SLC4A4: variants seen among roughly 807,000 people sequenced by gnomAD.
SLC4A4 encodes the protein solute carrier family 4 member 4, also known as electrogenic sodium bicarbonate cotransporter 1.
Under a neutral mutation model 111.5 loss-of-function variants are expected in SLC4A4, and 27 were observed. The observed-to-expected ratio is 0.24, with a 90% CI of 0.18 to 0.33. The LOEUF (loss-of-function observed/expected upper bound fraction) is 0.33. SLC4A4 is among the 10% of genes least tolerant of loss of function. The pLI, the probability that SLC4A4 is intolerant of heterozygous loss-of-function variation, is 1.00. For missense variants in SLC4A4, 909 were observed against 1,315.5 expected, an observed-to-expected ratio of 0.69 and a Z score of 4.78; for synonymous variants, 443 against 463.4, an observed-to-expected ratio of 0.96 and a Z score of 0.57.
At chr4:71,317,991 C>T (rs1209023802) in intron 3 of SLC4A4, among the ~76,000 whole-genome samples, 3 of 151,896 alleles carry the variant, frequency 2.0e-5, no homozygotes, top group African/African-American at 7.3e-5. Flanking sequence ...TACCAAATTG[C>T]TTGGCCAGGA....
intron 2 of SLC4A4, among the ~76,000 whole-genome samples, chr4:71,127,767 A>G (rs745935373): frequency 1.3e-5 from 2 of 152,240 alleles, no homozygotes; most frequent in Non-Finnish European, 2.9e-5. Context: ...ATGTACATAC[A>G]TACATAACAC....
chr4:71,425,253 A>G (rs1723015448), intron 7 of SLC4A4, among the ~76,000 whole-genome samples: 1 of 152,128 alleles, frequency 6.6e-6, no homozygotes, highest in Non-Finnish European at 1.5e-5. Context: ...GGAACCCTTT[A>G]TTGTTGGCTG....
chr4:71,470,906 G>A (rs899671228), intron 13 of SLC4A4, among the ~76,000 whole-genome samples: 1 of 151,914 alleles, frequency 6.6e-6, no homozygotes, highest in African/African-American at 2.4e-5. Flanking sequence ...GATTGGATGA[G>A]TTCCTCCCAC....
chr4:71,367,713 G>A (rs925023480), intron 6 of SLC4A4, among the ~76,000 whole-genome samples: 1 of 152,198 alleles, frequency 6.6e-6, no homozygotes, highest in Admixed American at 6.5e-5. Context: ...AGATTGCAAA[G>A]AGAAGACATC....
chr4:71,238,443 CA>C (rs1321111026), intron 2 of SLC4A4, among the ~76,000 whole-genome samples: 7 of 152,102 alleles, frequency 4.6e-5, no homozygotes, highest in African/African-American at 1.7e-4. Flanking sequence ...GAAACACAAC[CA>C]AAGGTGGTAG....
chr4:71,568,060 G>GCA lies in SLC4A4; in HGVS notation c.*311_*312dup. On this transcript the variant is annotated 3_prime_UTR_variant, in exon 26 of 26. Transcript: ENST00000264485. The stretch of plus-strand genomic sequence containing the variant: ...GCATAGACACAATCAAGACAATAGT[G>GCA]CACCGTTCCTTAAAAACAGCATCTG... The GCA allele has an allele frequency of 1.9e-6, 1 of 535,736 alleles. No individual in the cohort carries two copies. Among genetic ancestry groups the GCA allele is most frequent in the Non-Finnish European group, 3.3e-6 (1 of 300,218 alleles). 33.2% of individuals were successfully genotyped at this position (535,736 alleles called of 1,614,324 possible). A position where few individuals can be genotyped will look rare whatever the true frequency, so the allele number is the denominator to read the frequency against.
intron 1 of SLC4A4, among the ~76,000 whole-genome samples, chr4:71,091,056 T>A (rs547216291): frequency 6.6e-6 from 1 of 152,318 alleles, no homozygotes; most frequent in South Asian, 2.1e-4. Context: ...CAAGTGATTC[T>A]CCTGCCTCAG....
intron 3 of SLC4A4, among the ~76,000 whole-genome samples, chr4:71,288,379 GAGT>G (rs1276360538): frequency 2.0e-5 from 3 of 151,846 alleles, no homozygotes; most frequent in African/African-American, 7.3e-5. Context: ...TGAAATCAAG[GAGT>G]CAGAGAACAA....
At position 71,156,595 on chromosome 4, in the gene SLC4A4, C is replaced by CACACACACAT. The variant is rs1553957357; in HGVS notation, c.-2+63812_-2+63813insTACACACACA. ...GCATGCGCGCGCGCGCGCGCACACACACACACACACACACACACATACACA... is the reference window on the plus strand; with the variant it reads ...GCATGCGCGCGCGCGCGCGCACACACACACACACATACACACACACACACACACATACACA... On this transcript the variant is annotated intron_variant, in intron 2 of 26. Transcript: ENST00000649996. Among the ~76,000 whole-genome samples, 589 of 150,132 alleles carry CACACACACAT rather than the reference C, an allele frequency of 3.9e-3. 7 individuals are homozygous for CACACACACAT. The highest frequency in any genetic ancestry group is 0.014 in the African/African-American group (546 of 40,300).
At chr4:71,401,884 C>T (rs968236782) in intron 7 of SLC4A4, among the ~76,000 whole-genome samples, 19 of 152,174 alleles carry the variant, frequency 1.2e-4, no homozygotes, top group African/African-American at 4.6e-4. Flanking sequence ...CCTGCAGATT[C>T]TCAGGGGGAC....
intron 1 of SLC4A4, among the ~76,000 whole-genome samples, chr4:71,195,875 CTGTTGGCCTTAT>C (rs1203075828): frequency 2.0e-5 from 3 of 152,240 alleles, no homozygotes; most frequent in Non-Finnish European, 2.9e-5. Flanking sequence ...GCATGGAAAT[CTGTTGGCCTTAT>C]TGAAATATTC....
chr4:71,126,205 T>C (rs1390090511), intron 2 of SLC4A4, among the ~76,000 whole-genome samples: 1 of 152,216 alleles, frequency 6.6e-6, no homozygotes, highest in Non-Finnish European at 1.5e-5. Flanking sequence ...ATTTCAATGA[T>C]GTGCATATTT....
intron 3 of SLC4A4, among the ~76,000 whole-genome samples, chr4:71,269,495 T>C (rs1722539429): frequency 6.6e-6 from 1 of 152,208 alleles, no homozygotes; most frequent in Admixed American, 6.5e-5. Flanking sequence ...TTTTCACAGA[T>C]GTCTTTAAAA....
At chr4:71,190,186 A>T (rs1241683504) in intron 1 of SLC4A4, among the ~76,000 whole-genome samples, 4 of 152,226 alleles carry the variant, frequency 2.6e-5, no homozygotes, top group Non-Finnish European at 5.9e-5. Flanking sequence ...ATTTGAGGTC[A>T]GCTAAGTTGT....
chr4:71,180,461 G>A (rs544973937), intron 2 of SLC4A4, among the ~76,000 whole-genome samples: 2 of 152,218 alleles, frequency 1.3e-5, no homozygotes, highest in African/African-American at 2.4e-5. Flanking sequence ...ATCTGACAAA[G>A]GGCTAATATC....
intron 3 of SLC4A4, among the ~76,000 whole-genome samples, chr4:71,266,898 A>G (rs1452892): frequency 0.88 from 134,548 of 152,228 alleles, 61,279 homozygotes; most frequent in Non-Finnish European, 0.99. Context: ...CACTGGGGCT[A>G]TAGAAATGAA....
chr4:71,101,604 T>TC (rs1344943309), intron 2 of SLC4A4, among the ~76,000 whole-genome samples: 9 of 152,044 alleles, frequency 5.9e-5, no homozygotes, highest in Admixed American at 3.3e-4. Flanking sequence ...CTCAGGTGGG[T>TC]CCCTGACCCC....
At chr4:71,557,576 C>A in intron 21 of SLC4A4, 136 bp from the exon 22 acceptor site, 1 of 825,292 alleles carries the variant, frequency 1.2e-6, no homozygotes, top group Non-Finnish European at 2.0e-6. Context: ...TTTCTGCATT[C>A]CTTGACCATT....
intron 16 of SLC4A4, among the ~76,000 whole-genome samples, chr4:71,526,841 T>C (rs993859058): frequency 3.3e-5 from 5 of 152,082 alleles, no homozygotes; most frequent in African/African-American, 1.2e-4. Context: ...AGGGGCTGCC[T>C]GCATTCTTTG....
Sources: allele counts gnomAD v4.1 joint callset (sites outside exome capture counted in the v4.1 genomes callset), GRCh38; gene constraint gnomAD v4.1.1; transcripts MANE v1.5; gene names NCBI Gene and HGNC (gene_info 2026-07-23, HGNC 2026-07-21).